The following ZFAT variants were observed in gnomAD, a reference collection of about 807,000 sequenced individuals.
ZFAT encodes the protein zinc finger and AT-hook domain containing.
Under a neutral mutation model 117.7 loss-of-function variants are expected in ZFAT, and 64 were observed. The observed-to-expected ratio is 0.54, with a 90% CI of 0.44 to 0.67. The LOEUF (loss-of-function observed/expected upper bound fraction) is 0.67, where lower values mean the gene tolerates loss of function less well. Among genes scored for constraint, ZFAT ranks in the 30% least tolerant of loss-of-function variants. ZFAT has a pLI of 0.00. For synonymous variants in ZFAT, 679 were observed against 615.0 expected, an observed-to-expected ratio of 1.10 and a Z score of -1.54; for missense variants, 1,433 against 1,584.5, an observed-to-expected ratio of 0.90 and a Z score of 1.62.
chr8:134,584,948 C>T (rs1435072248), intron 9 of ZFAT, among the ~76,000 whole-genome samples: 2 of 152,168 alleles, frequency 1.3e-5, no homozygotes, highest in Non-Finnish European at 2.9e-5. Context: ...TGTCCAGGGG[C>T]GCAGAGCTGA....
intron 7 of ZFAT, among the ~76,000 whole-genome samples, chr8:134,590,665 C>G (rs1293975968): frequency 6.6e-6 from 1 of 150,698 alleles, no homozygotes; most frequent in South Asian, 2.1e-4. Flanking sequence ...CCACCAACAC[C>G]ACCACAACCA....
intron 7 of ZFAT, chr8:134,599,698 T>C (rs967533042): frequency 3.0e-5 from 13 of 438,824 alleles, no homozygotes; most frequent in African/African-American, 2.5e-4. Flanking sequence ...GTCTGTAGCA[T>C]AAAAAGGCAT....
At chr8:134,609,608 T>C (rs577372350) in intron 4 of ZFAT, among the ~76,000 whole-genome samples, 1 of 152,326 alleles carries the variant, frequency 6.6e-6, no homozygotes, top group African/African-American at 2.4e-5. Context: ...TGAAAATAGG[T>C]ACTTAAAAGG....
chr8:134,719,126 G>T, the ZFAT span, among the ~76,000 whole-genome samples: 2 of 152,200 alleles, frequency 1.3e-5, no homozygotes, highest in Admixed American at 1.3e-4. Flanking sequence ...TGGAGATCTG[G>T]CTCACAGGGA....
chr8:134,556,151 A>T (rs548193662), intron 11 of ZFAT, among the ~76,000 whole-genome samples: 21 of 152,334 alleles, frequency 1.4e-4, no homozygotes, highest in African/African-American at 4.8e-4. Flanking sequence ...TAGAAGTTTT[A>T]TTAAAACATC....
At chr8:134,521,439 C>T (rs929723921) in intron 12 of ZFAT, among the ~76,000 whole-genome samples, 2 of 152,192 alleles carry the variant, frequency 1.3e-5, no homozygotes, top group East Asian at 3.9e-4. Flanking sequence ...AGACCAGGAG[C>T]CTGATTCTCA....
At chr8:134,519,208 T>C (rs971991177) in intron 13 of ZFAT, among the ~76,000 whole-genome samples, 1 of 152,232 alleles carries the variant, frequency 6.6e-6, no homozygotes, top group African/African-American at 2.4e-5. Flanking sequence ...ATTACCTTGA[T>C]AAATTATTGT....
chr8:134,588,086 A>G (rs1366931430), intron 9 of ZFAT, among the ~76,000 whole-genome samples, 160 bp downstream of exon 9: 1 of 152,184 alleles, frequency 6.6e-6, no homozygotes, highest in East Asian at 1.9e-4. Flanking sequence ...AATGGTTTAA[A>G]TTACTGTTTG....
chr8:134,783,281 T>C, the ZFAT span, among the ~76,000 whole-genome samples: 4 of 152,276 alleles, frequency 2.6e-5, no homozygotes, highest in African/African-American at 7.2e-5. Context: ...TATCGGTCCA[T>C]GCCCGTTAGG....
At chr8:134,514,006 G>A (rs185147986) in intron 13 of ZFAT, among the ~76,000 whole-genome samples, 2 of 152,358 alleles carry the variant, frequency 1.3e-5, no homozygotes, top group African/African-American at 4.8e-5. Flanking sequence ...GAAAGGACAG[G>A]ATGCAACCTG....
intron 1 of ZFAT, among the ~76,000 whole-genome samples, chr8:134,675,280 AAC>A (rs1288229553): frequency 6.6e-6 from 1 of 152,210 alleles, no homozygotes; most frequent in Non-Finnish European, 1.5e-5. Flanking sequence ...GGAGCTGAAA[AAC>A]ACAGCACGAA....
chr8:134,821,689 G>C, the ZFAT span, among the ~76,000 whole-genome samples: 1 of 152,110 alleles, frequency 6.6e-6, no homozygotes, highest in African/African-American at 2.4e-5. Context: ...CCAAGAACGA[G>C]TAAGAGAGGA....
At chr8:134,704,680 C>T (rs2131362448) in intron 1 of ZFAT, among the ~76,000 whole-genome samples, 1 of 152,216 alleles carries the variant, frequency 6.6e-6, no homozygotes, top group Admixed American at 6.5e-5. Flanking sequence ...AGCAATGGAA[C>T]AGACCAGACA....
chr8:134,630,254 T>C (rs1218890465), intron 3 of ZFAT, among the ~76,000 whole-genome samples: 1 of 152,106 alleles, frequency 6.6e-6, no homozygotes, highest in East Asian at 1.9e-4. Context: ...ACCTAGTTAG[T>C]ACAGAGGAAA....
intron 5 of ZFAT, among the ~76,000 whole-genome samples, chr8:134,606,809 A>T (rs989537602): frequency 6.6e-6 from 1 of 152,126 alleles, no homozygotes. Flanking sequence ...TAAAATACAC[A>T]TGCTGAAAAA....
intron 3 of ZFAT, among the ~76,000 whole-genome samples, chr8:134,635,524 C>G (rs965406827): frequency 6.6e-6 from 1 of 152,136 alleles, no homozygotes; most frequent in Non-Finnish European, 1.5e-5. Context: ...AGAGCTGCCT[C>G]GATGGCTAGC....
intron 2 of ZFAT, among the ~76,000 whole-genome samples, chr8:134,639,593 C>A (rs762932161): frequency 6.6e-6 from 1 of 152,320 alleles, no homozygotes; most frequent in Non-Finnish European, 1.5e-5. Flanking sequence ...GGAGAACCAG[C>A]CTGTGTGCAA....
rs1033972057 is a variant in ZFAT at position 134,661,436 on chromosome 8, G to A, written c.20-3699C>T. Among the ~76,000 whole-genome samples the A allele has an allele frequency of 3.9e-5, 6 of 152,240 alleles. 1 individual carries two copies. The South Asian group carries it at 6.2e-4, about 16-fold the overall frequency. ...CCTGAAGGAGAGGCCCCACGTGCCT[G>A]AGCTGTGCCAGCTCCCCTGCGTGTC... is the stretch of plus-strand genomic sequence containing the variant. On this transcript the variant is annotated intron_variant, in intron 1 of 15. Coordinates refer to ENST00000377838, the MANE Select transcript of ZFAT (RefSeq NM_020863.4).
At position 134,668,633 on chromosome 8, in the gene ZFAT, T is replaced by C. The variant is rs1040243986; in HGVS notation, c.20-10896A>G. ...ACCATCATCAAAGACCAAAGGTAGA[T>C]AAAACCACAAAGATGGGGAAAAAAC... On this transcript the variant is annotated intron_variant, in intron 1 of 15. Transcript: ENST00000377838. Among the ~76,000 whole-genome samples, 23 of 152,144 alleles carry C rather than the reference T, an allele frequency of 1.5e-4. 1 individual carries two copies. The highest frequency in any genetic ancestry group is 2.8e-4 in the Non-Finnish European group (19 of 68,018).
Sources: allele counts gnomAD v4.1 joint callset (sites outside exome capture counted in the v4.1 genomes callset), GRCh38; gene constraint gnomAD v4.1.1; transcripts MANE v1.5; gene names NCBI Gene and HGNC (gene_info 2026-07-23, HGNC 2026-07-21).